GHRH: variants seen among roughly 807,000 people sequenced by gnomAD.
GHRH encodes somatoliberin.
A neutral mutation model predicts 15.6 loss-of-function variants in GHRH; 7 were observed. The observed-to-expected ratio is 0.45, with a 90% CI of 0.26 to 0.84. The LOEUF (loss-of-function observed/expected upper bound fraction) is 0.84. Ranked by LOEUF, GHRH falls within the 40% of genes least tolerant of loss-of-function variation. The probability of loss-of-function intolerance (pLI) is 0.18; values close to 1 mark genes in which losing one functional copy is unlikely to be tolerated. For missense variants in GHRH, 117 were observed against 138.0 expected (o/e 0.85, Z 0.76); for synonymous variants, 54 against 50.4 (o/e 1.07, Z -0.30).
intron 1 of GHRH, among the ~76,000 whole-genome samples, chr20:37,260,742 G>A (rs906600894): frequency 6.6e-6 from 1 of 152,122 alleles, no homozygotes; most frequent in African/African-American, 2.4e-5. Context: ...TATGATCATC[G>A]GTTAGCTTCC....
chr20:37,255,690 C>G lies in GHRH; in HGVS notation c.188+704G>C, dbSNP rs370265319. Among the ~76,000 whole-genome samples the G allele has an allele frequency of 1.5e-4, 19 of 126,986 alleles. No homozygotes were observed. In the South Asian group the frequency reaches 4.2e-3, roughly 28 times the overall value. The allele number at this position is 126,986 out of a possible 152,430, so 83.3% of individuals were successfully genotyped here. The stretch of plus-strand genomic sequence containing the variant: ...AAAAAAAAAAAAAAAAAAAAAAGAG[C>G]TATTAACCCTGTACAATGGGGATAA... On this transcript the variant is annotated intron_variant, in intron 3 of 4. Transcript: ENST00000373614.
chr20:37,251,303 AGG>A, intron 4 of GHRH, 72 bp from the exon 5 acceptor site: 1 of 1,303,064 alleles, frequency 7.7e-7, no homozygotes, highest in Non-Finnish European at 1.1e-6. Flanking sequence ...GCATGGAACC[AGG>A]GTGACGGGTG....
At chr20:37,256,726 G>T in intron 2 of GHRH, 81 bp downstream of exon 2, 3 of 1,132,436 alleles carry the variant, frequency 2.6e-6, no homozygotes, top group Non-Finnish European at 3.9e-6. Flanking sequence ...CAGCTGATGG[G>T]CTGAGTCTGC....
intron 4 of GHRH, among the ~76,000 whole-genome samples, chr20:37,252,171 C>T (rs966425879): frequency 1.3e-5 from 2 of 152,184 alleles, no homozygotes; most frequent in Non-Finnish European, 2.9e-5. Context: ...ATGGTAAGAG[C>T]TAACCCCTCC....
rs1373472880 is a variant in GHRH, at chr20:37,254,268, C to G, written c.250G>C (p.Ala84Pro). The G allele has an allele frequency of 1.2e-6, 2 of 1,614,068 alleles. No homozygotes were observed. Among genetic ancestry groups the G allele is most frequent in the African/African-American group, 1.3e-5 (1 of 75,054 alleles). ...RLGRQVDSMWAEQKQMELESI... is the reference protein window; with the variant it reads ...RLGRQVDSMWPEQKQMELESI... ...TCCAATTCCATTTGCTTTTGTTCTG[C>G]CCACATGCTGTCTACCTGACGACCA... Residue 84 changes from alanine to proline, a missense_variant, in exon 4 of 5, where the codon GCA (alanine) becomes CCA (proline). Physicochemically the swap from Ala to Pro is conservative, Grantham distance 27 (BLOSUM62 -1). Transcript: ENST00000373614.
rs977856944 is a variant in GHRH, at chr20:37,258,239, A to G, written c.-19-1331T>C. Among the ~76,000 whole-genome samples the G allele has an allele frequency of 1.3e-5, 2 of 152,172 alleles. No homozygotes were observed. The highest frequency in any genetic ancestry group is 1.3e-4 in the Admixed American group (2 of 15,280). Reference sequence around the variant, plus strand: ...TAGGAATTGGGTCCTCCCATCTCCCATGGGTTTCTCCCTCTCTCAGCAGGA... The same window carrying G: ...TAGGAATTGGGTCCTCCCATCTCCCGTGGGTTTCTCCCTCTCTCAGCAGGA... On this transcript the variant is annotated intron_variant, in intron 1 of 4. Transcript: ENST00000373614. This position sits in a 1 kb window ranked among gnomAD's most constrained non-coding sequence, Gnocchi z 4.1.
intron 3 of GHRH, 93 bp downstream of exon 3, chr20:37,256,301 A>G: frequency 1.4e-6 from 1 of 694,344 alleles, no homozygotes; most frequent in Non-Finnish European, 2.4e-6. Context: ...GCCAAGGAAG[A>G]GATCTGAATT....
intron 4 of GHRH, among the ~76,000 whole-genome samples, chr20:37,253,443 A>G (rs2068634622): frequency 6.6e-6 from 1 of 152,178 alleles, no homozygotes; most frequent in Non-Finnish European, 1.5e-5. Flanking sequence ...GTTAAAATTC[A>G]GATTTCTGGG....
chr20:37,258,137 T>C lies in GHRH; in HGVS notation c.-19-1229A>G, dbSNP rs6017655. Reference sequence around the variant, plus strand: ...AGCAGGGGACAGAGCCCGCCTCCGCTGGGGCAAGTGCCACTGCTGTCAGCC... The same window carrying C: ...AGCAGGGGACAGAGCCCGCCTCCGCCGGGGCAAGTGCCACTGCTGTCAGCC... On this transcript the variant is annotated intron_variant, in intron 1 of 4. Coordinates refer to ENST00000373614, the MANE Select transcript of GHRH (RefSeq NM_021081.6). The surrounding 1 kb of genome is among the most constrained non-coding windows in gnomAD (Gnocchi z 4.1). Among the ~76,000 whole-genome samples, 115,098 of 152,160 alleles carry C rather than the reference T, an allele frequency of 0.76. 45,045 individuals carry two copies. The highest frequency in any genetic ancestry group is 0.94 in the African/African-American group (39,251 of 41,536).
intron 4 of GHRH, among the ~76,000 whole-genome samples, chr20:37,253,115 A>AG (rs1422862056): frequency 6.6e-6 from 1 of 152,186 alleles, no homozygotes; most frequent in Non-Finnish European, 1.5e-5. Context: ...TTGCCCATGA[A>AG]GTGGGGGCTT....
chr20:37,260,426 A>C (rs974424731), intron 1 of GHRH, among the ~76,000 whole-genome samples: 1 of 151,328 alleles, frequency 6.6e-6, no homozygotes, highest in African/African-American at 2.4e-5. Flanking sequence ...AAAACAAAAC[A>C]AAAAAAAACT....
intron 1 of GHRH, among the ~76,000 whole-genome samples, chr20:37,259,099 C>T (rs2068674137): frequency 1.3e-5 from 2 of 152,138 alleles, no homozygotes; most frequent in Admixed American, 6.6e-5. Flanking sequence ...TCTCCTTCTC[C>T]TGCAAATGTT....
chr20:37,259,594 T>A (rs985209660), intron 1 of GHRH, among the ~76,000 whole-genome samples: 2 of 151,950 alleles, frequency 1.3e-5, no homozygotes, highest in African/African-American at 4.8e-5. Context: ...TCAAACCCCT[T>A]CTCTTGGCTT....
intron 1 of GHRH, among the ~76,000 whole-genome samples, chr20:37,257,195 A>G (rs1236416937): frequency 1.3e-5 from 2 of 152,118 alleles, no homozygotes; most frequent in South Asian, 4.1e-4. Flanking sequence ...TAGTAGGGAA[A>G]TTTCCCCTTG....
intron 4 of GHRH, among the ~76,000 whole-genome samples, chr20:37,253,282 C>T (rs980721960): frequency 1.3e-5 from 2 of 152,200 alleles, no homozygotes; most frequent in African/African-American, 2.4e-5. Flanking sequence ...GTCATCACGT[C>T]TCTCGTCTGC....
intron 1 of GHRH, among the ~76,000 whole-genome samples, chr20:37,259,536 C>T (rs2068676667): frequency 6.6e-6 from 1 of 152,188 alleles, no homozygotes; most frequent in South Asian, 2.1e-4. Flanking sequence ...AATCACCTCC[C>T]TCCCCTGCTC....
chr20:37,259,266 T>G (rs139244950), intron 1 of GHRH, among the ~76,000 whole-genome samples: 4 of 152,338 alleles, frequency 2.6e-5, no homozygotes, highest in Non-Finnish European at 5.9e-5. Context: ...TCCGCATGTC[T>G]GACTTAAGCT....
intron 3 of GHRH, among the ~76,000 whole-genome samples, chr20:37,254,633 A>C (rs1039771921): frequency 6.6e-6 from 1 of 152,210 alleles, no homozygotes; most frequent in African/African-American, 2.4e-5. Flanking sequence ...TAATCCACCA[A>C]TAATGGCACA....
chr20:37,251,176 T>G lies in GHRH; in HGVS notation c.*37A>C, dbSNP rs771883891. On this transcript the variant is annotated 3_prime_UTR_variant, in exon 5 of 5. Transcript: ENST00000373614. ...AGAGGATTAACTGGATCCAGTTGCA[T>G]TTTGGCTACAGGTAGCCCGGGTCAC... 2.7e-5 allele frequency: 42 copies of G among 1,533,134 alleles called. No individual in the cohort carries two copies. The Middle Eastern group carries it at 5.1e-4, about 19-fold the overall frequency. 95.0% of individuals were successfully genotyped at this position (1,533,134 alleles called of 1,614,324 possible).
Sources: allele counts gnomAD v4.1 joint callset (sites outside exome capture counted in the v4.1 genomes callset), GRCh38; gene constraint gnomAD v4.1.1; non-coding constraint Gnocchi (gnomAD v3.1); transcripts MANE v1.5; gene names NCBI Gene and HGNC (gene_info 2026-07-23, HGNC 2026-07-21).